Variants in ASAP2 observed in about 807,000 individuals in gnomAD.
ASAP2 encodes arf-GAP with SH3 domain, ANK repeat and PH domain-containing protein 2.
Under a neutral mutation model 131.4 loss-of-function variants are expected in ASAP2, and 45 were observed. That is an observed-to-expected ratio of 0.34 (90% CI 0.27 to 0.44). The LOEUF (loss-of-function observed/expected upper bound fraction) is 0.44. ASAP2 is among the 20% of genes least tolerant of loss of function. ASAP2 has a pLI of 1.00. For missense variants in ASAP2, 1,011 were observed against 1,297.0 expected (o/e 0.78, Z 3.39); for synonymous variants, 510 against 503.0 (o/e 1.01, Z -0.19).
intron 15 of ASAP2, among the ~76,000 whole-genome samples, chr2:9,360,949 A>G (rs1481559310): frequency 6.6e-6 from 1 of 152,176 alleles, no homozygotes; most frequent in African/African-American, 2.4e-5. Flanking sequence ...TGTCTCAGAA[A>G]TTTCATGTTC....
chr2:9,243,840 C>A (rs1372841569), intron 1 of ASAP2, among the ~76,000 whole-genome samples: 2 of 151,980 alleles, frequency 1.3e-5, no homozygotes, highest in Non-Finnish European at 2.9e-5. Context: ...TGTGAGGGAC[C>A]GATATAAGTA....
At chr2:9,227,523 GCTATT>G (rs1662861353) in intron 1 of ASAP2, among the ~76,000 whole-genome samples, 1 of 151,966 alleles carries the variant, frequency 6.6e-6, no homozygotes, top group Non-Finnish European at 1.5e-5. Context: ...ATTTTCAAAC[GCTATT>G]CGGGTGGGAC....
intron 1 of ASAP2, among the ~76,000 whole-genome samples, chr2:9,218,783 A>C (rs1018651118): frequency 1.3e-5 from 2 of 151,846 alleles, no homozygotes; most frequent in African/African-American, 2.4e-5. Flanking sequence ...GCCTCTTGCC[A>C]CCCTTGCTTT....
chr2:9,401,285 G>A lies in ASAP2; in HGVS notation c.2835G>A (p.Lys945=). Residue 945 remains lysine, a synonymous_variant, in exon 27 of 28, where the codon AAG becomes AAA. Coordinates refer to ENST00000281419, the MANE Select transcript of ASAP2 (RefSeq NM_003887.3). ...CTCTCCTGACCCAGACCAAGTTGAA[G>A]CCTAAGCGGGTGAAAGCGCTCTATA... The part of the protein sequence containing the change: ...MPRKSQATKL[K]PKRVKALYNC... 1 of 1,613,528 alleles carries A rather than the reference G, an allele frequency of 6.2e-7. No homozygotes were observed. Among genetic ancestry groups the A allele is most frequent in the Non-Finnish European group, 8.5e-7 (1 of 1,179,920 alleles).
At chr2:9,215,730 A>G (rs1209457604) in intron 1 of ASAP2, among the ~76,000 whole-genome samples, 1 of 143,722 alleles carries the variant, frequency 7.0e-6, no homozygotes, top group Non-Finnish European at 1.5e-5. Flanking sequence ...TAATTATTAT[A>G]TTTCATAATT....
At chr2:9,213,601 G>A (rs1335954091) in intron 1 of ASAP2, among the ~76,000 whole-genome samples, 6 of 152,154 alleles carry the variant, frequency 3.9e-5, no homozygotes, top group Non-Finnish European at 8.8e-5. Context: ...AGAGGTCTTG[G>A]ATGAGGAGGT....
At chr2:9,243,484 T>C (rs1437909718) in intron 1 of ASAP2, among the ~76,000 whole-genome samples, 1 of 152,254 alleles carries the variant, frequency 6.6e-6, no homozygotes. Context: ...ACGGAAAATG[T>C]GACTGAGTCA....
intron 6 of ASAP2, among the ~76,000 whole-genome samples, chr2:9,326,627 A>G (rs933859110): frequency 3.3e-5 from 5 of 152,186 alleles, no homozygotes; most frequent in African/African-American, 1.2e-4. Flanking sequence ...ACATCTTTAT[A>G]TGTCCCTATG....
intron 16 of ASAP2, among the ~76,000 whole-genome samples, chr2:9,371,740 T>G (rs952987244): frequency 6.6e-6 from 1 of 152,066 alleles, no homozygotes; most frequent in African/African-American, 2.4e-5. Context: ...ACCCTGTCCT[T>G]GAGAAGTGTA....
intron 2 of ASAP2, among the ~76,000 whole-genome samples, chr2:9,289,489 A>C (rs16866981): frequency 5.3e-5 from 8 of 151,974 alleles, no homozygotes; most frequent in Non-Finnish European, 1.2e-4. Flanking sequence ...AATGAATAAA[A>C]GTAAATGCGG....
intron 2 of ASAP2, among the ~76,000 whole-genome samples, chr2:9,294,048 G>A (rs1469452424): frequency 1.3e-5 from 2 of 149,496 alleles, no homozygotes; most frequent in Non-Finnish European, 3.0e-5. Flanking sequence ...GCCCAGGCTA[G>A]AGTGCAGTGG....
At chr2:9,335,221 T>G in intron 9 of ASAP2, 42 bp downstream of exon 9, 1 of 1,569,304 alleles carries the variant, frequency 6.4e-7, no homozygotes. Context: ...TTTCACCCCA[T>G]TCTTGGAGGC....
chr2:9,284,720 G>A (rs1021530370), intron 2 of ASAP2, among the ~76,000 whole-genome samples: 15 of 152,122 alleles, frequency 9.9e-5, no homozygotes, highest in African/African-American at 3.4e-4. Flanking sequence ...GGTGTGGGCG[G>A]GTAATAGGTG....
At chr2:9,352,212 AACACACACACACACACACACACAC>A (rs58275721) in intron 12 of ASAP2, among the ~76,000 whole-genome samples, 5 of 149,966 alleles carry the variant, frequency 3.3e-5, no homozygotes, top group African/African-American at 4.9e-5. Context: ...AACACACACA[AACACACACACACACACACACACAC>A]ACACACACAC....
chr2:9,338,233 C>G (rs1671347607), intron 9 of ASAP2, among the ~76,000 whole-genome samples: 1 of 152,038 alleles, frequency 6.6e-6, no homozygotes, highest in Admixed American at 6.6e-5. Flanking sequence ...CATGGTCTCA[C>G]AGGTCTGAGT....
At chr2:9,377,455 C>A (rs923799087) in intron 18 of ASAP2, among the ~76,000 whole-genome samples, 1 of 152,120 alleles carries the variant, frequency 6.6e-6, no homozygotes, top group Non-Finnish European at 1.5e-5. Flanking sequence ...TTGTTTGGGT[C>A]GAGAAGTTGT....
Position 9,374,784 on chromosome 2 carries a change from A to C in ASAP2, c.1586A>C (p.Lys529Thr). ...MNARKDYITA[K>T]YIERRYARKK... ...GCAAGAAAGGACTACATCACAGCCAAGTACATCGAGAGGAGATACGCAAGG... is the reference window on the plus strand; with the variant it reads ...GCAAGAAAGGACTACATCACAGCCACGTACATCGAGAGGAGATACGCAAGG... The change falls in exon 17 of 28, where the codon AAG becomes ACG. Residue 529 changes from lysine (K) to threonine (T), a missense_variant. Around this residue, in one of 2 missense-constraint regions of ASAP2, gnomAD observed 652 missense variants for 698.9 expected, o/e 0.93. Coordinates refer to ENST00000281419, the MANE Select transcript of ASAP2 (RefSeq NM_003887.3). 1.2e-6 allele frequency: 2 copies of C among 1,610,198 alleles called. No individual in the cohort carries two copies. The highest frequency in any genetic ancestry group is 1.7e-6 in the Non-Finnish European group (2 of 1,178,654).
At chr2:9,225,737 GA>G (rs1662715298) in intron 1 of ASAP2, among the ~76,000 whole-genome samples, 1 of 152,214 alleles carries the variant, frequency 6.6e-6, no homozygotes, top group Non-Finnish European at 1.5e-5. Context: ...AGACCAATAG[GA>G]AGCATTGGCC....
chr2:9,249,189 C>G (rs139273043), intron 1 of ASAP2, among the ~76,000 whole-genome samples: 7 of 152,350 alleles, frequency 4.6e-5, no homozygotes, highest in South Asian at 4.1e-4. Context: ...TTTCTTTCCT[C>G]TGTCAGACAG....
Sources: allele counts gnomAD v4.1 joint callset (sites outside exome capture counted in the v4.1 genomes callset), GRCh38; gene constraint gnomAD v4.1.1; regional missense constraint gnomAD v4.1.1; transcripts MANE v1.5; gene names NCBI Gene and HGNC (gene_info 2026-07-23, HGNC 2026-07-21).